Variants in PHACTR3 observed in about 807,000 individuals in gnomAD.
The protein encoded by PHACTR3 is protein phosphatase 1, regulatory subunit 123.
A neutral mutation model predicts 66.8 loss-of-function variants in PHACTR3; 16 were observed. The observed-to-expected ratio is 0.24, with a 90% CI of 0.16 to 0.36. The LOEUF (loss-of-function observed/expected upper bound fraction) is 0.36, where lower values mean the gene tolerates loss of function less well. Ranked by LOEUF, PHACTR3 falls within the 10% of genes least tolerant of loss-of-function variation. The pLI is 1.00. For missense variants in PHACTR3, 647 were observed against 719.9 expected, an observed-to-expected ratio of 0.90 and a Z score of 1.16; for synonymous variants, 323 against 292.1, an observed-to-expected ratio of 1.11 and a Z score of -1.08.
At chr20:59,824,317 G>C (rs895165683) in intron 8 of PHACTR3, among the ~76,000 whole-genome samples, 2 of 152,216 alleles carry the variant, frequency 1.3e-5, no homozygotes, top group Non-Finnish European at 2.9e-5. Flanking sequence ...ATGTAAGATT[G>C]CACTCAGTCT....
At chr20:59,717,992 G>C (rs922935010) in intron 1 of PHACTR3, among the ~76,000 whole-genome samples, 2 of 152,202 alleles carry the variant, frequency 1.3e-5, no homozygotes, top group Non-Finnish European at 2.9e-5. Flanking sequence ...GGAAAAGGTC[G>C]CAAGTGGAAG....
chr20:59,635,870 G>T (rs548241769), intron 1 of PHACTR3, among the ~76,000 whole-genome samples: 1 of 152,272 alleles, frequency 6.6e-6, no homozygotes, highest in East Asian at 1.9e-4. Context: ...GCAGGTCTCC[G>T]GGCTGCACAC....
At chr20:59,729,975 A>G (rs964683988) in intron 1 of PHACTR3, among the ~76,000 whole-genome samples, 2 of 152,166 alleles carry the variant, frequency 1.3e-5, no homozygotes, top group African/African-American at 4.8e-5. Flanking sequence ...TAAGCTTCAG[A>G]TGGGCCTAGA....
intron 1 of PHACTR3, among the ~76,000 whole-genome samples, chr20:59,694,278 T>C (rs1051023840): frequency 6.2e-4 from 94 of 152,236 alleles, no homozygotes; most frequent in African/African-American, 2.2e-3. Flanking sequence ...GACCATTGTT[T>C]TGGCTTCTGT....
intron 1 of PHACTR3, among the ~76,000 whole-genome samples, chr20:59,689,987 A>T (rs2037051882): frequency 6.6e-6 from 1 of 152,090 alleles, no homozygotes; most frequent in South Asian, 2.1e-4. Flanking sequence ...CTGCTGGGCG[A>T]TGGGAGTGAT....
At chr20:59,628,742 A>T in intron 1 of PHACTR3, 1 of 985,494 alleles carries the variant, frequency 1.0e-6, no homozygotes, top group Non-Finnish European at 1.2e-6. Context: ...CCAGAGAAGG[A>T]TGGATTTGTG....
At chr20:59,634,109 A>G (rs1201021768) in intron 1 of PHACTR3, among the ~76,000 whole-genome samples, 1 of 152,100 alleles carries the variant, frequency 6.6e-6, no homozygotes. Context: ...TGCCTGGGAG[A>G]TAGATATAAT....
intron 1 of PHACTR3, among the ~76,000 whole-genome samples, chr20:59,583,367 C>T (rs573605153): frequency 1.3e-5 from 2 of 152,236 alleles, no homozygotes; most frequent in African/African-American, 4.8e-5. Flanking sequence ...ACCATGGCTT[C>T]CAAACCAAAA....
At chr20:59,696,918 C>T (rs1196189729) in intron 1 of PHACTR3, among the ~76,000 whole-genome samples, 2 of 152,170 alleles carry the variant, frequency 1.3e-5, no homozygotes, top group East Asian at 3.9e-4. Flanking sequence ...GAGGCTGTGC[C>T]TTGCCTGGGG....
chr20:59,652,682 T>C (rs1200730808), intron 1 of PHACTR3, among the ~76,000 whole-genome samples: 1 of 152,240 alleles, frequency 6.6e-6, no homozygotes, highest in Non-Finnish European at 1.5e-5. Context: ...TCATACCTTC[T>C]CTTTCCTCTT....
At chr20:59,796,255 TC>T (rs1366678844) in intron 7 of PHACTR3, among the ~76,000 whole-genome samples, 3 of 152,118 alleles carry the variant, frequency 2.0e-5, no homozygotes, top group Non-Finnish European at 2.9e-5. Context: ...CTTACCCCAC[TC>T]CCACAGTTTT....
chr20:59,614,990 G>A (rs957925338), intron 1 of PHACTR3, among the ~76,000 whole-genome samples: 2 of 152,032 alleles, frequency 1.3e-5, no homozygotes, highest in African/African-American at 2.4e-5. Context: ...TGACCTCCAC[G>A]GTGTCAGGAC....
At chr20:59,809,688 A>ATT (rs2041676531) in intron 8 of PHACTR3, among the ~76,000 whole-genome samples, 3 of 152,130 alleles carry the variant, frequency 2.0e-5, no homozygotes, top group African/African-American at 7.2e-5. Flanking sequence ...AAACTTGAGG[A>ATT]GCTCACAGCC....
intron 1 of PHACTR3, among the ~76,000 whole-genome samples, chr20:59,607,408 T>G (rs952001117): frequency 6.6e-6 from 1 of 152,166 alleles, no homozygotes; most frequent in African/African-American, 2.4e-5. Flanking sequence ...CTCCTGAAAA[T>G]TGAACCTGAA....
rs2037858210 is a variant in PHACTR3, at chr20:59,710,125, G to T, written c.119-32982G>T. On this transcript the variant is annotated intron_variant, in intron 1 of 12. Transcript: ENST00000371015. ...TTTCTTCTTTCTATTTTTGCAGATT[G>T]GTTTCTGGAAAGATTTATTTAAATC... Among the ~76,000 whole-genome samples, 4 of 152,018 alleles carry T rather than the reference G, an allele frequency of 2.6e-5. 1 individual carries two copies. In the South Asian group the frequency reaches 8.3e-4, roughly 32 times the overall value.
chr20:59,681,589 A>G lies in PHACTR3; in HGVS notation c.119-61518A>G, dbSNP rs373438803. ...TCCCATATATTCAAGAGCCAAACAG[A>G]TATCTCAACAGACTGTTAGGGAGGC... On this transcript the variant is annotated intron_variant, in intron 1 of 12. Coordinates refer to ENST00000371015, the MANE Select transcript of PHACTR3 (RefSeq NM_080672.5). Among the ~76,000 whole-genome samples the G allele has an allele frequency of 3.9e-5, 6 of 152,242 alleles. 1 individual carries two copies. The East Asian group carries it at 5.8e-4, about 15-fold the overall frequency.
At chr20:59,739,845 G>C (rs1391310509) in intron 1 of PHACTR3, among the ~76,000 whole-genome samples, 2 of 152,018 alleles carry the variant, frequency 1.3e-5, no homozygotes, top group African/African-American at 4.8e-5. Flanking sequence ...TCTGTGTTCT[G>C]CTTTGGGTCC....
chr20:59,597,033 C>T (rs949635456), intron 1 of PHACTR3, among the ~76,000 whole-genome samples: 1 of 152,206 alleles, frequency 6.6e-6, no homozygotes, highest in Non-Finnish European at 1.5e-5. Context: ...GTGTTTGGTG[C>T]ATGTTTGTTG....
At chr20:59,666,524 GAGAC>G (rs1377190043) in intron 1 of PHACTR3, among the ~76,000 whole-genome samples, 1 of 148,772 alleles carries the variant, frequency 6.7e-6, no homozygotes, top group Non-Finnish European at 1.5e-5. Flanking sequence ...GAGGAAGAGA[GAGAC>G]AGAGACAGAG....
Sources: gnomAD v4.1 joint callset for allele counts (sites outside exome capture counted in the v4.1 genomes callset) on GRCh38, gnomAD v4.1.1 for gene constraint, MANE v1.5 for transcripts, NCBI Gene and HGNC (gene_info 2026-07-23, HGNC 2026-07-21) for gene names.